The following UBASH3A variants were observed in gnomAD, a reference collection of about 807,000 sequenced individuals.
UBASH3A encodes the protein ubiquitin associated and SH3 domain containing A.
UBASH3A carries 63 observed loss-of-function variants against 73.5 expected under a neutral mutation model. The observed-to-expected ratio is 0.86, with a 90% CI of 0.70 to 1.06. The LOEUF (loss-of-function observed/expected upper bound fraction) is 1.06. Ranked by LOEUF, UBASH3A falls within the 50% of genes least tolerant of loss-of-function variation. The pLI is 0.00. For synonymous variants in UBASH3A, 363 were observed against 351.1 expected (o/e 1.03, Z -0.38); for missense variants, 860 against 859.0 (o/e 1.00, Z -0.02).
At chr21:42,427,250 C>T (rs936455227) in intron 8 of UBASH3A, among the ~76,000 whole-genome samples, 2 of 152,230 alleles carry the variant, frequency 1.3e-5, no homozygotes, top group East Asian at 1.9e-4. Flanking sequence ...TGGCCACCCT[C>T]ATGGGGCACA....
chr21:42,419,598 A>T (rs144401578), intron 7 of UBASH3A, among the ~76,000 whole-genome samples: 72 of 152,294 alleles, frequency 4.7e-4, no homozygotes, highest in African/African-American at 1.7e-3. Flanking sequence ...CAGTCTGTTC[A>T]TGGTGATTTG....
At chr21:42,426,890 G>A in intron 8 of UBASH3A, 70 bp downstream of exon 8, 1 of 1,559,290 alleles carries the variant, frequency 6.4e-7, no homozygotes, top group Non-Finnish European at 8.7e-7. Context: ...ACTTCACGGT[G>A]GACACAGCTT....
At chr21:42,430,249 C>T (rs915785815) in intron 8 of UBASH3A, among the ~76,000 whole-genome samples, 4 of 152,180 alleles carry the variant, frequency 2.6e-5, no homozygotes, top group African/African-American at 9.7e-5. Flanking sequence ...GATCACTGTT[C>T]ACAGAAGAAA....
At chr21:42,439,680 CCA>C (rs1383841785) in intron 11 of UBASH3A, among the ~76,000 whole-genome samples, 2 of 145,946 alleles carry the variant, frequency 1.4e-5, no homozygotes, top group Admixed American at 6.8e-5. Context: ...ACACCACACG[CCA>C]CACACACACT....
rs1308810718 is a variant in UBASH3A at position 42,409,561 on chromosome 21, A to G, written c.307A>G (p.Arg103Gly). 6.2e-7 allele frequency: 1 copy of G among 1,614,118 alleles called. No individual in the cohort carries two copies. The highest frequency in any genetic ancestry group is 8.5e-7 in the Non-Finnish European group (1 of 1,180,012). Reference sequence around the variant, plus strand: ...GAGCAAGCGCCAGTGTGCAAAGAACAGAGCTCATGAGGTCTTCCCACACGT... The same window carrying G: ...GAGCAAGCGCCAGTGTGCAAAGAACGGAGCTCATGAGGTCTTCCCACACGT... The part of the protein sequence containing the change: ...RESKRQCAKN[R>G]AHEVFPHVTL... The change falls in exon 3 of 15, where the codon AGA (arginine) becomes GGA (glycine). Residue 103 changes from arginine (R) to glycine (G), a missense_variant. By Grantham distance (125) the Arg-to-Gly change is moderately radical. Coordinates refer to ENST00000319294, the MANE Select transcript of UBASH3A (RefSeq NM_018961.4).
rs549229131 is a variant in UBASH3A at position 42,410,033 on chromosome 21, G to A, written c.354+425G>A. On this transcript the variant is annotated intron_variant, in intron 3 of 14. Transcript: ENST00000319294. ...TAGCACAGCCCCTAAAACAGAGTTT[G>A]TGCTTCCAAAATGTGTGGTAAGTCA... 29 of 700,900 alleles carry A rather than the reference G, an allele frequency of 4.1e-5. No homozygotes were observed. The South Asian group carries it at 4.2e-4, about 10-fold the overall frequency. The allele number at this position is 700,900 out of a possible 1,614,324, so 43.4% of individuals were successfully genotyped here.
chr21:42,429,866 C>G (rs2053498906), intron 8 of UBASH3A, among the ~76,000 whole-genome samples: 1 of 152,088 alleles, frequency 6.6e-6, no homozygotes, highest in South Asian at 2.1e-4. Context: ...AAGACTCAGC[C>G]CAGTGACCCT....
chr21:42,442,510 A>G lies in UBASH3A; in HGVS notation c.1545A>G (p.Thr515=). Reference sequence around the variant, plus strand: ...TGGAACCTGGAATCTTTGAATGGACAAAATGGGAAGCTGGCAAAACCACCC... The same window carrying G: ...TGGAACCTGGAATCTTTGAATGGACGAAATGGGAAGCTGGCAAAACCACCC... ...IRVEPGIFEW[T]KWEAGKTTPT... The change falls in exon 12 of 15, where the codon ACA becomes ACG. Residue 515 remains threonine, a synonymous_variant. Coordinates refer to ENST00000319294, the MANE Select transcript of UBASH3A (RefSeq NM_018961.4). 6.2e-7 allele frequency: 1 copy of G among 1,614,198 alleles called. No homozygotes were observed. The highest frequency in any genetic ancestry group is 1.1e-5 in the South Asian group (1 of 91,078).
intron 14 of UBASH3A, among the ~76,000 whole-genome samples, chr21:42,445,465 A>G (rs1172823675): frequency 6.6e-6 from 1 of 152,216 alleles, no homozygotes; most frequent in Non-Finnish European, 1.5e-5. Context: ...CTTGTTTGCC[A>G]TAAGTTGTGG....
chr21:42,444,860 A>G (rs1261110787), intron 14 of UBASH3A, among the ~76,000 whole-genome samples: 2 of 152,116 alleles, frequency 1.3e-5, no homozygotes, highest in Non-Finnish European at 2.9e-5. Context: ...ATCATTGGCC[A>G]CTTGCCAACT....
intron 1 of UBASH3A, among the ~76,000 whole-genome samples, chr21:42,404,602 G>C (rs1476822692): frequency 2.6e-5 from 4 of 152,110 alleles, no homozygotes; most frequent in Non-Finnish European, 5.9e-5. Context: ...TAATCTCTTT[G>C]TGTGCAGCTC....
intron 7 of UBASH3A, among the ~76,000 whole-genome samples, chr21:42,426,187 C>G (rs1473137680): frequency 6.6e-6 from 1 of 152,102 alleles, no homozygotes; most frequent in East Asian, 1.9e-4. Context: ...TTAAGGCCTT[C>G]AACTGGTTGG....
chr21:42,438,862 T>C (rs1406571406), intron 11 of UBASH3A, among the ~76,000 whole-genome samples: 1 of 151,942 alleles, frequency 6.6e-6, no homozygotes, highest in African/African-American at 2.4e-5. Flanking sequence ...AGCCACGTCC[T>C]GCAGGAGGTG....
chr21:42,404,299 C>A (rs2052924570), intron 1 of UBASH3A: 2 of 345,194 alleles, frequency 5.8e-6, no homozygotes, highest in Non-Finnish European at 1.0e-5. Flanking sequence ...AAGCCATCAT[C>A]CCACCTCAGC....
At chr21:42,428,690 G>A (rs1202062341) in intron 8 of UBASH3A, among the ~76,000 whole-genome samples, 3 of 151,854 alleles carry the variant, frequency 2.0e-5, no homozygotes, top group African/African-American at 7.3e-5. Flanking sequence ...TGGGTACTGT[G>A]GAGAAGTACC....
chr21:42,433,822 C>G (rs2053579782), intron 9 of UBASH3A, among the ~76,000 whole-genome samples: 1 of 152,112 alleles, frequency 6.6e-6, no homozygotes, highest in African/African-American at 2.4e-5. Flanking sequence ...CCTGCTGCCC[C>G]CCACTGCCCC....
Position 42,432,173 on chromosome 21 carries a change from C to T in UBASH3A, c.1241C>T (p.Ala414Val), listed in dbSNP as rs754425977. The change falls in exon 9 of 15, where the codon GCA becomes GTA. Residue 414 changes from alanine to valine, a missense_variant. Coordinates refer to ENST00000319294, the MANE Select transcript of UBASH3A (RefSeq NM_018961.4). ...AGAGTGGATCAGATCTTCGGGAAGGCATGGCTGCAGCAATGCTCCACTCCT... is the reference window on the plus strand; with the variant it reads ...AGAGTGGATCAGATCTTCGGGAAGGTATGGCTGCAGCAATGCTCCACTCCT... ...GERVDQIFGKAWLQQCSTPDG... is the reference protein window; with the variant it reads ...GERVDQIFGKVWLQQCSTPDG... 6.2e-7 allele frequency: 1 copy of T among 1,613,450 alleles called. No individual in the cohort carries two copies. Among genetic ancestry groups the T allele is most frequent in the Non-Finnish European group, 8.5e-7 (1 of 1,179,652 alleles).
chr21:42,430,550 C>A (rs1568929529), intron 8 of UBASH3A, among the ~76,000 whole-genome samples: 1 of 152,196 alleles, frequency 6.6e-6, no homozygotes, highest in Non-Finnish European at 1.5e-5. Flanking sequence ...CCTGTCTGAG[C>A]TGCCTCCTGC....
chr21:42,416,365 G>C, intron 5 of UBASH3A, 77 bp from the exon 6 acceptor site: 2 of 1,436,440 alleles, frequency 1.4e-6, no homozygotes, highest in Non-Finnish European at 1.9e-6. Flanking sequence ...GCCTTGTGGA[G>C]GAAGCATGGA....
Sources: allele counts gnomAD v4.1 joint callset (sites outside exome capture counted in the v4.1 genomes callset), GRCh38; gene constraint gnomAD v4.1.1; transcripts MANE v1.5; gene names NCBI Gene and HGNC (gene_info 2026-07-23, HGNC 2026-07-21).